The following PHIP variants were observed in gnomAD, a reference collection of about 807,000 sequenced individuals.
PHIP encodes the protein PHIP subunit of CUL4-Ring ligase complex.
In PHIP, 54 loss-of-function variants were observed where a neutral mutation model predicts 236.8. The ratio of observed to expected loss-of-function variants is 0.23; its 90% confidence interval spans 0.18 to 0.29. The LOEUF (loss-of-function observed/expected upper bound fraction) is 0.29, where lower values mean the gene tolerates loss of function less well. Ranked by LOEUF, PHIP falls within the 10% of genes least tolerant of loss-of-function variation. The probability of loss-of-function intolerance (pLI) is 1.00; values close to 1 mark genes in which losing one functional copy is unlikely to be tolerated. For synonymous variants in PHIP, 756 were observed against 718.9 expected (o/e 1.05, Z -0.83); for missense variants, 1,370 against 2,190.8 (o/e 0.63, Z 7.48).
At chr6:78,979,339 C>T (rs957875361) in intron 23 of PHIP, among the ~76,000 whole-genome samples, 9 of 152,074 alleles carry the variant, frequency 5.9e-5, no homozygotes, top group Non-Finnish European at 1.2e-4. Context: ...CCACAAACCC[C>T]AAAGTACAAG....
At chr6:79,014,669 T>G (rs373739334) in intron 15 of PHIP, among the ~76,000 whole-genome samples, 1 of 151,862 alleles carries the variant, frequency 6.6e-6, no homozygotes, top group Non-Finnish European at 1.5e-5. Flanking sequence ...CTTGATTCTT[T>G]GGCCTTAATT....
intron 6 of PHIP, among the ~76,000 whole-genome samples, chr6:79,045,326 T>A (rs985138763): frequency 6.6e-6 from 1 of 152,132 alleles, no homozygotes; most frequent in Non-Finnish European, 1.5e-5. Context: ...AGAGGTTGAA[T>A]TTGAGGAAGG....
chr6:78,989,165 A>G (rs1172951291), intron 20 of PHIP, among the ~76,000 whole-genome samples: 1 of 152,256 alleles, frequency 6.6e-6, no homozygotes, highest in Non-Finnish European at 1.5e-5. Flanking sequence ...CTGTAATCCC[A>G]GTACTTTGGG....
intron 27 of PHIP, among the ~76,000 whole-genome samples, chr6:78,966,833 A>G (rs1054988657): frequency 6.6e-6 from 1 of 152,202 alleles, no homozygotes; most frequent in Non-Finnish European, 1.5e-5. Context: ...ACAGTACTTG[A>G]GTTTTCTCGT....
At chr6:79,035,066 T>TACTAACTACCCTAGAATTTGCACATG (rs1771862710) in intron 7 of PHIP, among the ~76,000 whole-genome samples, 1 of 152,122 alleles carries the variant, frequency 6.6e-6, no homozygotes, top group South Asian at 2.1e-4. Context: ...CCACATTTCA[T>TACTAACTACCCTAGAATTTGCACATG]ACTAACTACC....
chr6:78,997,294 A>T, intron 19 of PHIP, 120 bp downstream of exon 19: 1 of 717,876 alleles, frequency 1.4e-6, no homozygotes, highest in South Asian at 1.9e-5. Flanking sequence ...AATAGTTTAT[A>T]CTGCCCTTCC....
intron 2 of PHIP, 32 bp downstream of exon 2, chr6:79,077,823 G>A: frequency 7.7e-7 from 1 of 1,295,212 alleles, no homozygotes; most frequent in Non-Finnish European, 9.9e-7. Context: ...AGCGGCGAGC[G>A]CCGGCCCGGC....
intron 9 of PHIP, among the ~76,000 whole-genome samples, chr6:79,025,066 T>C (rs1457225343): frequency 1.3e-5 from 2 of 152,202 alleles, no homozygotes; most frequent in African/African-American, 4.8e-5. Flanking sequence ...TCTACCTTGA[T>C]GCAGTTTAGT....
chr6:78,974,715 C>A (rs986483967), intron 24 of PHIP, among the ~76,000 whole-genome samples: 1 of 152,072 alleles, frequency 6.6e-6, no homozygotes, highest in African/African-American at 2.4e-5. Context: ...CACAGAAATA[C>A]AAACTACCAT....
chr6:78,992,676 T>C (rs1034983407), intron 19 of PHIP, among the ~76,000 whole-genome samples: 3 of 152,176 alleles, frequency 2.0e-5, no homozygotes, highest in African/African-American at 7.2e-5. Flanking sequence ...TTGTAGTTGT[T>C]TTGAAGCACC....
chr6:78,946,572 T>A, intron 37 of PHIP, 139 bp downstream of exon 37: 2 of 1,398,178 alleles, frequency 1.4e-6, no homozygotes, highest in East Asian at 2.7e-5. Flanking sequence ...TTAAAAATCC[T>A]CCACATCATA....
In PHIP at chr6:79,077,428, C is replaced by G; in HGVS notation, c.189+20G>C. On this transcript the variant is annotated intron_variant, in intron 4 of 39. Coordinates refer to ENST00000275034, the MANE Select transcript of PHIP (RefSeq NM_017934.7). ...CGACTCAGGGAAAAGTTTCTTTGCT[C>G]TGCGACGTGAATGTCTCACCAGATT... is the stretch of plus-strand genomic sequence containing the variant. 1 of 1,588,494 alleles carries G rather than the reference C, an allele frequency of 6.3e-7. No homozygotes were observed. Among genetic ancestry groups the G allele is most frequent in the Non-Finnish European group, 8.6e-7 (1 of 1,161,274 alleles).
chr6:79,072,745 G>A (rs927980744), intron 4 of PHIP, among the ~76,000 whole-genome samples: 24 of 152,064 alleles, frequency 1.6e-4, no homozygotes, highest in Non-Finnish European at 3.1e-4. Context: ...TTACAGGCAT[G>A]AGCCACCACA....
intron 6 of PHIP, among the ~76,000 whole-genome samples, chr6:79,057,173 T>C (rs1773117184): frequency 1.3e-5 from 2 of 152,134 alleles, no homozygotes; most frequent in African/African-American, 2.4e-5. Context: ...TGGTTTGAAA[T>C]ATCTAAGAAA....
intron 4 of PHIP, among the ~76,000 whole-genome samples, chr6:79,065,764 C>CCACCCA (rs1554213680): frequency 2.1e-5 from 3 of 143,380 alleles, no homozygotes; most frequent in Non-Finnish European, 4.6e-5. Context: ...CTTAACTATA[C>CCACCCA]CACACACACA....
intron 31 of PHIP, among the ~76,000 whole-genome samples, chr6:78,959,074 A>C (rs1034001014): frequency 6.6e-5 from 10 of 152,180 alleles, no homozygotes; most frequent in Non-Finnish European, 1.5e-4. Context: ...CTTATGAGAT[A>C]CAAAATCATA....
At chr6:79,060,341 A>G in intron 6 of PHIP, 137 bp downstream of exon 6, 1 of 558,382 alleles carries the variant, frequency 1.8e-6, no homozygotes, top group East Asian at 3.0e-5. Context: ...CTAAGAAAAA[A>G]AATCTATTTT....
chr6:79,066,854 T>A (rs976165498), intron 4 of PHIP, among the ~76,000 whole-genome samples: 3 of 152,150 alleles, frequency 2.0e-5, no homozygotes, highest in African/African-American at 7.2e-5. Context: ...GTATCAGTAG[T>A]GCTCAAAACT....
Position 78,965,689 on chromosome 6 carries a change from TA to T in PHIP, c.3379+13del. 1 of 1,452,374 alleles carries T rather than the reference TA, an allele frequency of 6.9e-7. No individual in the cohort carries two copies. Among genetic ancestry groups the T allele is most frequent in the Non-Finnish European group, 9.6e-7 (1 of 1,046,078 alleles). 90.0% of individuals were successfully genotyped at this position (1,452,374 alleles called of 1,614,324 possible). On this transcript the variant is annotated intron_variant, in intron 29 of 39. Coordinates refer to ENST00000275034, the MANE Select transcript of PHIP (RefSeq NM_017934.7). The stretch of plus-strand genomic sequence containing the variant: ...CTCCATAATGGAGAAACAAAAAGCC[TA>T]ACACACACTTACCATTATTAGGTAT...
Sources: allele counts gnomAD v4.1 joint callset (sites outside exome capture counted in the v4.1 genomes callset), GRCh38; gene constraint gnomAD v4.1.1; transcripts MANE v1.5; gene names NCBI Gene and HGNC (gene_info 2026-07-23, HGNC 2026-07-21).